The following TMEM245 variants were observed in gnomAD, a reference collection of about 807,000 sequenced individuals.
TMEM245 encodes the protein transmembrane protein 245, also known as protein CG-2.
In TMEM245, 69 loss-of-function variants were observed where a neutral mutation model predicts 101.2. That is an observed-to-expected ratio of 0.68 (90% CI 0.56 to 0.83). The LOEUF (loss-of-function observed/expected upper bound fraction) is 0.83. Among genes scored for constraint, TMEM245 ranks in the 40% least tolerant of loss-of-function variants. TMEM245 has a pLI of 0.00. For missense variants in TMEM245, 1,075 were observed against 1,092.8 expected (o/e 0.98, Z 0.23); for synonymous variants, 537 against 449.8 (o/e 1.19, Z -2.45).
intron 17 of TMEM245, among the ~76,000 whole-genome samples, chr9:109,028,359 C>T (rs963745292): frequency 2.7e-5 from 4 of 150,600 alleles, no homozygotes; most frequent in African/African-American, 9.8e-5. Flanking sequence ...GAAGCTGTGG[C>T]GGGAGAATCA....
At chr9:109,079,789 A>G (rs1829616364) in intron 8 of TMEM245, among the ~76,000 whole-genome samples, 1 of 152,140 alleles carries the variant, frequency 6.6e-6, no homozygotes, top group Admixed American at 6.6e-5. Context: ...GGAAAAAAAA[A>G]GACCATACTA....
At chr9:109,059,100 T>C (rs1029099955) in intron 11 of TMEM245, among the ~76,000 whole-genome samples, 2 of 152,146 alleles carry the variant, frequency 1.3e-5, no homozygotes, top group Non-Finnish European at 2.9e-5. Flanking sequence ...ATAAAAGCTA[T>C]TTGTAAGCAG....
chr9:109,058,107 TCTC>T (rs1300750429), intron 11 of TMEM245, among the ~76,000 whole-genome samples: 1 of 151,278 alleles, frequency 6.6e-6, no homozygotes, highest in African/African-American at 2.4e-5. Context: ...TTCATGCCAT[TCTC>T]CTGCCTCAGC....
At chr9:109,103,808 G>A (rs990803859) in intron 3 of TMEM245, among the ~76,000 whole-genome samples, 13 of 152,196 alleles carry the variant, frequency 8.5e-5, no homozygotes, top group African/African-American at 3.1e-4. Context: ...AAAATGGACA[G>A]GGCGTGGTGG....
intron 6 of TMEM245, 52 bp downstream of exon 6, chr9:109,087,121 C>T: frequency 6.7e-7 from 1 of 1,492,594 alleles, no homozygotes; most frequent in Admixed American, 2.4e-5. Context: ...AAGTTCAAAC[C>T]ACGAAATATA....
At chr9:109,035,719 T>C (rs771435971) in intron 16 of TMEM245, among the ~76,000 whole-genome samples, 1 of 152,100 alleles carries the variant, frequency 6.6e-6, no homozygotes, top group Non-Finnish European at 1.5e-5. Context: ...GAGAAAATTA[T>C]TCACAATTTG....
At chr9:109,094,339 A>C (rs1239160624) in intron 3 of TMEM245, among the ~76,000 whole-genome samples, 1 of 152,190 alleles carries the variant, frequency 6.6e-6, no homozygotes, top group African/African-American at 2.4e-5. Context: ...AGAGCTAAAA[A>C]AATTGTATTT....
Position 109,020,520 on chromosome 9 carries a change from G to T in TMEM245, c.2595-15C>A. On this transcript the variant is annotated splice_polypyrimidine_tract_variant and intron_variant, in intron 17 of 17. Transcript: ENST00000374586. ...CACGGAAAGTCCTAAAAGAAAAAAAGACGGAATGATTAGTTGATTACCATA... is the reference window on the plus strand; with the variant it reads ...CACGGAAAGTCCTAAAAGAAAAAAATACGGAATGATTAGTTGATTACCATA... The T allele has an allele frequency of 6.2e-7, 1 of 1,611,930 alleles. No homozygotes were observed. The highest frequency in any genetic ancestry group is 1.1e-5 in the South Asian group (1 of 91,022).
At chr9:109,059,438 C>A (rs1043127277) in intron 11 of TMEM245, among the ~76,000 whole-genome samples, 3 of 152,126 alleles carry the variant, frequency 2.0e-5, no homozygotes, top group Non-Finnish European at 2.9e-5. Flanking sequence ...ATACACAGCA[C>A]GGCTCCTGCT....
intron 7 of TMEM245, among the ~76,000 whole-genome samples, chr9:109,083,736 G>A (rs1829738020): frequency 6.6e-6 from 1 of 151,260 alleles, no homozygotes; most frequent in Non-Finnish European, 1.5e-5. Context: ...TTCCACTTGA[G>A]TTTTAGTGCA....
chr9:109,073,043 A>G (rs1025783111), intron 9 of TMEM245, among the ~76,000 whole-genome samples: 7 of 152,188 alleles, frequency 4.6e-5, no homozygotes, highest in Admixed American at 3.9e-4. Context: ...TCTTCAATCT[A>G]TCTCACACAG....
At chr9:109,032,547 G>A (rs1014601254) in intron 17 of TMEM245, among the ~76,000 whole-genome samples, 6 of 150,524 alleles carry the variant, frequency 4.0e-5, no homozygotes, top group Non-Finnish European at 8.9e-5. Flanking sequence ...ACCACATCTG[G>A]CTAATTTTTG....
chr9:109,050,727 T>G, intron 12 of TMEM245, 35 bp from the exon 13 acceptor site: 1 of 1,608,102 alleles, frequency 6.2e-7, no homozygotes, highest in Non-Finnish European at 8.5e-7. Flanking sequence ...TCAGAACCAA[T>G]CCTCATGAAA....
Position 109,119,914 on chromosome 9 carries a change from C to A in TMEM245, c.-1G>T. 7.8e-7 allele frequency: 1 copy of A among 1,279,124 alleles called. No homozygotes were observed. The highest frequency in any genetic ancestry group is 9.8e-7 in the Non-Finnish European group (1 of 1,017,582). 79.2% of individuals were successfully genotyped at this position (1,279,124 alleles called of 1,614,324 possible). ...CCTTAGGGCCGCCGCCGTCGGCCAT[C>A]GTTCCTCCGCCACAGCCGCCCCCGA... On this transcript the variant is annotated 5_prime_UTR_variant, in exon 1 of 18. Coordinates refer to ENST00000374586, the MANE Select transcript of TMEM245 (RefSeq NM_032012.4).
intron 8 of TMEM245, among the ~76,000 whole-genome samples, chr9:109,073,947 A>AC (rs925653777): frequency 3.7e-5 from 5 of 134,712 alleles, no homozygotes; most frequent in African/African-American, 1.4e-4. Flanking sequence ...TATAACCTCC[A>AC]CCCCCCACGT....
chr9:109,050,626 G>A lies in TMEM245; in HGVS notation c.1921C>T (p.Leu641Phe), dbSNP rs1270025426. 6.2e-7 allele frequency: 1 copy of A among 1,613,732 alleles called. No homozygotes were observed. The highest frequency in any genetic ancestry group is 1.3e-5 in the African/African-American group (1 of 74,880). Residue 641 changes from leucine (L) to phenylalanine (F), a missense_variant, in exon 13 of 18, where the codon CTC becomes TTC. By Grantham distance (22) the Leu-to-Phe change is conservative. This residue lies in a region of TMEM245 where 267 missense variants were observed against 351.3 expected (regional missense o/e 0.76). Coordinates refer to ENST00000374586, the MANE Select transcript of TMEM245 (RefSeq NM_032012.4). Reference sequence around the variant, plus strand: ...CCGCTGTAGAAGAGGATGGTCAAGAGTGTAGTGACAGTGGTGAACAGCAGG... The same window carrying A: ...CCGCTGTAGAAGAGGATGGTCAAGAATGTAGTGACAGTGGTGAACAGCAGG... ...VSLLFTTVTT[L>F]LTILFYSGTA... is the part of the protein sequence containing the mutation.
intron 14 of TMEM245, among the ~76,000 whole-genome samples, chr9:109,040,390 A>G (rs1477534092): frequency 6.6e-6 from 1 of 152,236 alleles, no homozygotes; most frequent in Non-Finnish European, 1.5e-5. Flanking sequence ...TGAAGCATTC[A>G]ATTCAGTAAT....
chr9:109,117,236 A>G (rs1342108799), intron 1 of TMEM245, among the ~76,000 whole-genome samples: 1 of 151,282 alleles, frequency 6.6e-6, no homozygotes, highest in African/African-American at 2.4e-5. Flanking sequence ...CAGCCTCCCA[A>G]ATAGTTGGGA....
At chr9:109,083,136 G>T (rs932463644) in intron 7 of TMEM245, among the ~76,000 whole-genome samples, 16 of 151,764 alleles carry the variant, frequency 1.1e-4, no homozygotes, top group Non-Finnish European at 2.1e-4. Context: ...GGCACGGGGA[G>T]TTGATACATA....
Sources: allele counts gnomAD v4.1 joint callset (sites outside exome capture counted in the v4.1 genomes callset), GRCh38; gene constraint gnomAD v4.1.1; regional missense constraint gnomAD v4.1.1; transcripts MANE v1.5; gene names NCBI Gene and HGNC (gene_info 2026-07-23, HGNC 2026-07-21).